The following COL19A1 variants were observed in gnomAD, a reference collection of about 807,000 sequenced individuals.
COL19A1 encodes the protein collagen alpha-1(XIX) chain.
Under a neutral mutation model 190.2 loss-of-function variants are expected in COL19A1, and 159 were observed. That is an observed-to-expected ratio of 0.84 (90% CI 0.73 to 0.95). The LOEUF (loss-of-function observed/expected upper bound fraction) is 0.95, where lower values mean the gene tolerates loss of function less well. COL19A1 is among the 40% of genes least tolerant of loss of function. COL19A1 has a pLI of 0.00. For synonymous variants in COL19A1, 509 were observed against 458.9 expected (o/e 1.11, Z -1.39); for missense variants, 1,418 against 1,431.9 (o/e 0.99, Z 0.16).
At chr6:69,977,965 A>G (rs890339221) in intron 11 of COL19A1, among the ~76,000 whole-genome samples, 2 of 152,196 alleles carry the variant, frequency 1.3e-5, no homozygotes, top group Admixed American at 1.3e-4. Flanking sequence ...TTACTGATCT[A>G]AATTTCAATA....
intron 2 of COL19A1, among the ~76,000 whole-genome samples, chr6:69,885,086 A>G (rs546628333): frequency 6.6e-6 from 1 of 151,856 alleles, no homozygotes; most frequent in East Asian, 1.9e-4. Context: ...CTGGTCTCGA[A>G]CTCCTGACCT....
At chr6:70,032,171 G>A (rs903320600) in intron 12 of COL19A1, among the ~76,000 whole-genome samples, 4 of 152,082 alleles carry the variant, frequency 2.6e-5, no homozygotes, top group Non-Finnish European at 5.9e-5. Context: ...CTGAAGACAG[G>A]CCAAAGACTT....
intron 11 of COL19A1, among the ~76,000 whole-genome samples, chr6:69,993,598 A>G (rs1776741743): frequency 6.6e-6 from 1 of 151,860 alleles, no homozygotes; most frequent in Non-Finnish European, 1.5e-5. Context: ...GGCTTTTACT[A>G]GTTGGTAAGC....
At chr6:69,892,178 G>A (rs1769398045) in intron 2 of COL19A1, among the ~76,000 whole-genome samples, 2 of 152,178 alleles carry the variant, frequency 1.3e-5, no homozygotes, top group African/African-American at 2.4e-5. Context: ...CGAGTGGTGG[G>A]TATCCTATTT....
chr6:70,172,078 C>T (rs1465547477), intron 41 of COL19A1, 61 bp downstream of exon 41: 2 of 1,508,318 alleles, frequency 1.3e-6, no homozygotes, highest in Non-Finnish European at 1.8e-6. Context: ...TTACTGAGCA[C>T]CTAATGTGCC....
Position 70,141,936 on chromosome 6 carries a change from C to T in COL19A1, c.1518+8C>T. The T allele has an allele frequency of 1.2e-6, 2 of 1,606,824 alleles. No homozygotes were observed. The highest frequency in any genetic ancestry group is 1.1e-5 in the South Asian group (1 of 90,924). ...GGATCACAGGGAGTAAAGGTAATTT[C>T]CTGGCATTCTTCAATTTCCTCTCCA... On this transcript the variant is annotated splice_region_variant and intron_variant, in intron 21 of 50. Coordinates refer to ENST00000620364, the MANE Select transcript of COL19A1 (RefSeq NM_001858.6).
At position 70,150,018 on chromosome 6, in the gene COL19A1, A is replaced by G; in HGVS notation, c.2010A>G (p.Pro670=). 1 of 1,613,808 alleles carries G rather than the reference A, an allele frequency of 6.2e-7. No individual in the cohort carries two copies. Residue 670 remains proline, a synonymous_variant, in exon 30 of 51, where the codon CCA becomes CCG. Coordinates refer to ENST00000620364, the MANE Select transcript of COL19A1 (RefSeq NM_001858.6). ...NDGVPGRDGK[P]GLPGPPGDPI... ...GAGTTCCAGGGAGAGATGGAAAGCC[A>G]GGCCTGCCAGGCCCCCCAGGTGACC...
chr6:70,001,984 A>G (rs1314214518), intron 11 of COL19A1, among the ~76,000 whole-genome samples: 1 of 152,174 alleles, frequency 6.6e-6, no homozygotes. Context: ...CCCATTCATT[A>G]TGATATTGGA....
chr6:70,034,071 C>G (rs923483007), intron 12 of COL19A1, among the ~76,000 whole-genome samples, 174 bp from the exon 13 acceptor site: 3 of 152,112 alleles, frequency 2.0e-5, no homozygotes, highest in South Asian at 2.1e-4. Flanking sequence ...CTGTGCCCAC[C>G]ACGGCACAGA....
chr6:70,079,445 A>C (rs1782099847), intron 15 of COL19A1, among the ~76,000 whole-genome samples: 1 of 152,202 alleles, frequency 6.6e-6, no homozygotes, highest in Non-Finnish European at 1.5e-5. Flanking sequence ...GTGAGGGGGC[A>C]GTGTGCAAGG....
intron 16 of COL19A1, among the ~76,000 whole-genome samples, chr6:70,112,122 G>C (rs1784318928): frequency 6.6e-6 from 1 of 152,164 alleles, no homozygotes; most frequent in Admixed American, 6.6e-5. Context: ...TGGGGTCCAT[G>C]TAAGCCATCT....
At chr6:70,002,678 T>A (rs1777336526) in intron 11 of COL19A1, among the ~76,000 whole-genome samples, 3 of 151,188 alleles carry the variant, frequency 2.0e-5, no homozygotes, top group Admixed American at 6.6e-5. Context: ...TATTCTCTGG[T>A]GGTAGTTTGT....
At chr6:70,162,509 T>A (rs1011324681) in intron 35 of COL19A1, among the ~76,000 whole-genome samples, 1 of 152,196 alleles carries the variant, frequency 6.6e-6, no homozygotes, top group Admixed American at 6.5e-5. Context: ...CAATCTCTCA[T>A]TCAAACAGTT....
chr6:70,157,542 G>A (rs1016903249), intron 34 of COL19A1, among the ~76,000 whole-genome samples: 3 of 151,764 alleles, frequency 2.0e-5, no homozygotes, highest in African/African-American at 7.3e-5. Flanking sequence ...TTTTCTAGGT[G>A]GAGTTATATT....
intron 9 of COL19A1, 47 bp from the exon 10 acceptor site, chr6:69,959,949 C>T: frequency 1.3e-6 from 2 of 1,568,918 alleles, no homozygotes; most frequent in South Asian, 2.3e-5. Context: ...CGTCTATGTT[C>T]ATATATCTTT....
chr6:69,969,677 G>A (rs1775313243), intron 11 of COL19A1, among the ~76,000 whole-genome samples: 1 of 152,124 alleles, frequency 6.6e-6, no homozygotes, highest in Admixed American at 6.5e-5. Flanking sequence ...TATATGGGAG[G>A]ATATATGCAA....
In COL19A1 at chr6:70,098,456, C is replaced by T. The variant is rs564914095; in HGVS notation, c.1225-3713C>T. ...AGATGTTGTTCCTTCTCAGAATCCA[C>T]GCCTGAATCTGCGGTATACAATATT... On this transcript the variant is annotated intron_variant, in intron 15 of 50. Coordinates refer to ENST00000620364, the MANE Select transcript of COL19A1 (RefSeq NM_001858.6). 510 of 510,390 alleles carry T rather than the reference C, an allele frequency of 1.0e-3. 4 individuals are homozygous for T. The highest frequency in any genetic ancestry group is 6.3e-3 in the South Asian group (440 of 70,322). 31.6% of individuals were successfully genotyped at this position (510,390 alleles called of 1,614,324 possible). A position where few individuals can be genotyped will look rare whatever the true frequency, so the allele number is the denominator to read the frequency against.
intron 15 of COL19A1, among the ~76,000 whole-genome samples, chr6:70,080,184 A>C (rs535887535): frequency 6.6e-6 from 1 of 152,102 alleles, no homozygotes; most frequent in Non-Finnish European, 1.5e-5. Context: ...GATTTAGTAA[A>C]ACATTTGCTG....
intron 4 of COL19A1, among the ~76,000 whole-genome samples, chr6:69,921,385 TCA>T: frequency 9.4e-6 from 1 of 106,262 alleles, no homozygotes; most frequent in South Asian, 2.9e-4. Flanking sequence ...ATCATATATA[TCA>T]TATATATCAT....
Sources: gnomAD v4.1 joint callset for allele counts (sites outside exome capture counted in the v4.1 genomes callset) on GRCh38, gnomAD v4.1.1 for gene constraint, MANE v1.5 for transcripts, NCBI Gene and HGNC (gene_info 2026-07-23, HGNC 2026-07-21) for gene names.